The following VAMP7 variants were observed in gnomAD, a reference collection of about 807,000 sequenced individuals.
VAMP7 encodes the protein vesicle-associated membrane protein 7.
In VAMP7, 14 loss-of-function variants were observed where a neutral mutation model predicts 29.6. The ratio of observed to expected loss-of-function variants is 0.47; its 90% CI spans 0.31 to 0.74. The LOEUF (loss-of-function observed/expected upper bound fraction) is 0.74, where lower values mean the gene tolerates loss of function less well. Ranked by LOEUF, VAMP7 falls within the 30% of genes least tolerant of loss-of-function variation. VAMP7 has a pLI of 0.05. For missense variants in VAMP7, 223 were observed against 262.4 expected (o/e 0.85, Z 1.04); for synonymous variants, 95 against 88.1 (o/e 1.08, Z -0.44).
At chrX:155,930,040 A>G (rs1400505269) in intron 6 of VAMP7, among the ~76,000 whole-genome samples, 1 of 152,216 alleles carries the variant, frequency 6.6e-6, no homozygotes, top group Admixed American at 6.5e-5. Context: ...GAAGATACCA[A>G]ATGTAGAGCT....
intron 1 of VAMP7, among the ~76,000 whole-genome samples, chrX:155,885,444 C>T (rs1484384270): frequency 1.3e-5 from 2 of 152,122 alleles, no homozygotes; most frequent in African/African-American, 2.4e-5. Context: ...AGCCTTTTGG[C>T]TAAGATCAGG....
At chrX:155,909,289 A>G (rs2066199161) in intron 5 of VAMP7, among the ~76,000 whole-genome samples, 1 of 152,088 alleles carries the variant, frequency 6.6e-6, no homozygotes, top group African/African-American at 2.4e-5. Flanking sequence ...GAATTCCCCT[A>G]AGATCCTCTT....
intron 6 of VAMP7, among the ~76,000 whole-genome samples, chrX:155,927,364 A>G (rs774572479): frequency 1.9e-4 from 28 of 150,284 alleles, no homozygotes; most frequent in Admixed American, 6.7e-4. Context: ...AACTTAAAGT[A>G]TAATAATAAT....
intron 2 of VAMP7, 56 bp downstream of exon 2, chrX:155,889,668 A>C: frequency 6.4e-7 from 1 of 1,573,878 alleles, no homozygotes. Context: ...TGTTACTCTA[A>C]TCAGAACGGT....
At chrX:155,887,511 G>A (rs1264832288) in intron 1 of VAMP7, among the ~76,000 whole-genome samples, 1 of 152,152 alleles carries the variant, frequency 6.6e-6, no homozygotes, top group African/African-American at 2.4e-5. Context: ...TTGCAATATA[G>A]AGGCTGTTGG....
chrX:155,902,702 C>T (rs1449528293), intron 5 of VAMP7, among the ~76,000 whole-genome samples: 1 of 152,016 alleles, frequency 6.6e-6, no homozygotes, highest in East Asian at 1.9e-4. Flanking sequence ...ACCAGCCTTG[C>T]ATCCCAGGGA....
intron 6 of VAMP7, among the ~76,000 whole-genome samples, chrX:155,933,361 A>T (rs1271130469): frequency 8.5e-5 from 13 of 152,204 alleles, no homozygotes; most frequent in Non-Finnish European, 1.5e-4. Flanking sequence ...TAAGCTATTA[A>T]TTATTGCCTC....
At chrX:155,903,106 A>T (rs1417199690) in intron 5 of VAMP7, among the ~76,000 whole-genome samples, 4 of 151,992 alleles carry the variant, frequency 2.6e-5, no homozygotes, top group Non-Finnish European at 4.4e-5. Flanking sequence ...GGGAGGGTGT[A>T]TGTGTCGAGG....
chrX:155,895,882 G>A (rs1313768410), intron 3 of VAMP7, among the ~76,000 whole-genome samples: 1 of 152,078 alleles, frequency 6.6e-6, no homozygotes, highest in East Asian at 1.9e-4. Context: ...CAGATCAGCA[G>A]CAGCATTAGA....
intron 5 of VAMP7, among the ~76,000 whole-genome samples, chrX:155,908,749 G>T (rs1196336504): frequency 1.3e-5 from 2 of 152,090 alleles, no homozygotes; most frequent in African/African-American, 4.8e-5. Flanking sequence ...CACCTTTGAA[G>T]CCACCTGGGC....
rs778495127 is a variant in VAMP7 at position 155,918,102 on chromosome X, C to T, written c.434-1711C>T. On this transcript the variant is annotated intron_variant, in intron 5 of 7. Coordinates refer to ENST00000286448, the MANE Select transcript of VAMP7 (RefSeq NM_005638.6). The stretch of plus-strand genomic sequence containing the variant: ...TCAAACTTCCTGGCCACTCTGTTTA[C>T]ACAGTGAGGGGAAAACTGCCTACTC... Among the ~76,000 whole-genome samples, 15 of 152,246 alleles carry T rather than the reference C, an allele frequency of 9.9e-5. No homozygotes were observed. In the East Asian group the frequency reaches 2.9e-3, roughly 29 times the overall value.
At chrX:155,902,580 G>C (rs1485547466) in intron 5 of VAMP7, among the ~76,000 whole-genome samples, 14 of 151,338 alleles carry the variant, frequency 9.3e-5, no homozygotes, top group East Asian at 1.9e-4. Context: ...TAGCATGAAG[G>C]GTTGTTGAAT....
chrX:155,889,783 T>A, intron 2 of VAMP7, 171 bp downstream of exon 2: 1 of 645,602 alleles, frequency 1.5e-6, no homozygotes, highest in Non-Finnish European at 2.4e-6. Flanking sequence ...CTTATAAATT[T>A]AACTTGTAAT....
intron 3 of VAMP7, among the ~76,000 whole-genome samples, chrX:155,895,886 C>A (rs1419297653): frequency 6.6e-6 from 1 of 152,110 alleles, no homozygotes; most frequent in Non-Finnish European, 1.5e-5. Context: ...TCAGCAGCAG[C>A]ATTAGATTCT....
intron 6 of VAMP7, among the ~76,000 whole-genome samples, chrX:155,931,823 G>C (rs893104837): frequency 6.6e-6 from 1 of 152,120 alleles, no homozygotes; most frequent in African/African-American, 2.4e-5. Context: ...TTTTCTTCTA[G>C]GGTTTTTATG....
chrX:155,887,204 T>C (rs1323309185), intron 1 of VAMP7, among the ~76,000 whole-genome samples: 6 of 152,216 alleles, frequency 3.9e-5, no homozygotes, highest in African/African-American at 1.2e-4. Context: ...AACTGTTGGT[T>C]GTGCTTTGGG....
At chrX:155,940,456 T>C (rs1200064256) in intron 7 of VAMP7, among the ~76,000 whole-genome samples, 2 of 152,208 alleles carry the variant, frequency 1.3e-5, no homozygotes, top group Non-Finnish European at 2.9e-5. Context: ...GTAGATTTTA[T>C]ACTGGAAGTA....
intron 5 of VAMP7, among the ~76,000 whole-genome samples, chrX:155,910,764 C>T (rs1156577081): frequency 2.6e-5 from 4 of 152,080 alleles, no homozygotes; most frequent in African/African-American, 9.7e-5. Context: ...AATGGCTATT[C>T]ATGTCCTCTG....
rs1234648422 is a variant in VAMP7 at position 155,943,709 on chromosome X, G to T, written c.*1758G>T. Reference sequence around the variant, plus strand: ...TATAAGAATGCTTTTTAAAGCACATGTCTCATTTTAAATGACGCACAAACT... The same window carrying T: ...TATAAGAATGCTTTTTAAAGCACATTTCTCATTTTAAATGACGCACAAACT... On this transcript the variant is annotated 3_prime_UTR_variant, in exon 8 of 8. Transcript: ENST00000286448. 1 of 152,120 alleles carries T rather than the reference G, an allele frequency of 6.6e-6. No individual in the cohort carries two copies. The highest frequency in any genetic ancestry group is 1.5e-5 in the Non-Finnish European group (1 of 68,026). 9.4% of individuals were successfully genotyped at this position (152,120 alleles called of 1,614,324 possible). A position where few individuals can be genotyped will look rare whatever the true frequency, so the allele number is the denominator to read the frequency against.
Sources: gnomAD v4.1 joint callset for allele counts (sites outside exome capture counted in the v4.1 genomes callset) on GRCh38, gnomAD v4.1.1 for gene constraint, MANE v1.5 for transcripts, NCBI Gene and HGNC (gene_info 2026-07-23, HGNC 2026-07-21) for gene names.